Variants in SNX24 observed in about 807,000 individuals in gnomAD.
SNX24 encodes sorting nexin-24.
In SNX24, 22 loss-of-function variants were observed where a neutral mutation model predicts 28.7. The observed-to-expected ratio is 0.77, with a 90% confidence interval of 0.55 to 1.10. SNX24 has a LOEUF of 1.10. Among genes scored for constraint, SNX24 ranks in the 50% least tolerant of loss-of-function variants. The pLI is 0.00. For synonymous variants in SNX24, 69 were observed against 71.5 expected, an observed-to-expected ratio of 0.96 and a Z score of 0.18; for missense variants, 221 against 201.1, an observed-to-expected ratio of 1.10 and a Z score of -0.60.
chr5:122,986,386 G>A (rs1561698323), intron 3 of SNX24, among the ~76,000 whole-genome samples: 1 of 152,182 alleles, frequency 6.6e-6, no homozygotes, highest in Non-Finnish European at 1.5e-5. Flanking sequence ...TGCTGGCTAA[G>A]CCTTGAAAAG....
intron 1 of SNX24, among the ~76,000 whole-genome samples, chr5:122,913,898 A>G (rs900848849): frequency 3.2e-4 from 49 of 152,228 alleles, no homozygotes; most frequent in Middle Eastern, 6.3e-3. Flanking sequence ...ACTCGCGGTT[A>G]GGAGCTGGAG....
At chr5:122,849,377 G>T (rs147595751) in intron 1 of SNX24, among the ~76,000 whole-genome samples, 13 of 152,306 alleles carry the variant, frequency 8.5e-5, no homozygotes, top group African/African-American at 3.1e-4. Context: ...GGCCGGGAAA[G>T]GTTAGGGTGA....
At chr5:122,847,423 G>C (rs1754688791) in intron 1 of SNX24, among the ~76,000 whole-genome samples, 1 of 151,066 alleles carries the variant, frequency 6.6e-6, no homozygotes. Context: ...TGTGATGAGA[G>C]TTTGCTCTTT....
chr5:122,964,376 C>A (rs1387882374), intron 3 of SNX24, among the ~76,000 whole-genome samples: 1 of 151,680 alleles, frequency 6.6e-6, no homozygotes, highest in Admixed American at 6.6e-5. Context: ...GTGCTACTAG[C>A]ATGTAGTAAG....
intron 5 of SNX24, among the ~76,000 whole-genome samples, chr5:123,016,039 A>G (rs182082504): frequency 1.3e-5 from 2 of 152,220 alleles, no homozygotes; most frequent in Non-Finnish European, 2.9e-5. Context: ...ACTTTTCTTC[A>G]TCACAGCAGG....
chr5:122,956,988 T>C (rs148568779), intron 3 of SNX24, among the ~76,000 whole-genome samples: 1 of 152,306 alleles, frequency 6.6e-6, no homozygotes, highest in East Asian at 1.9e-4. Context: ...ATATATTGCC[T>C]TTTTTGATAG....
chr5:123,015,304 A>T (rs1246041965), intron 5 of SNX24, among the ~76,000 whole-genome samples: 1 of 152,278 alleles, frequency 6.6e-6, no homozygotes, highest in East Asian at 1.9e-4. Flanking sequence ...TGAGTAAATG[A>T]CCTTGAAATC....
At chr5:123,021,239 T>A (rs967086285) in intron 5 of SNX24, among the ~76,000 whole-genome samples, 1 of 152,178 alleles carries the variant, frequency 6.6e-6, no homozygotes, top group African/African-American at 2.4e-5. Flanking sequence ...TCATGTAGTA[T>A]AATTTGTCAC....
At chr5:122,981,574 C>T (rs540355478) in intron 3 of SNX24, among the ~76,000 whole-genome samples, 3 of 152,356 alleles carry the variant, frequency 2.0e-5, no homozygotes, top group African/African-American at 7.2e-5. Flanking sequence ...ATATTTGCCT[C>T]ATGCCCATAG....
chr5:122,898,661 G>T (rs1757306648), intron 1 of SNX24, among the ~76,000 whole-genome samples: 1 of 152,178 alleles, frequency 6.6e-6, no homozygotes, highest in Admixed American at 6.5e-5. Flanking sequence ...CTTAAAAAAA[G>T]AAAATGAAAT....
At chr5:122,927,985 T>C (rs1758774747) in intron 1 of SNX24, among the ~76,000 whole-genome samples, 1 of 152,220 alleles carries the variant, frequency 6.6e-6, no homozygotes, top group Admixed American at 6.5e-5. Flanking sequence ...AACCTCACCA[T>C]TGCATTTCAT....
chr5:122,917,431 T>A (rs1758227652), intron 1 of SNX24, among the ~76,000 whole-genome samples: 1 of 152,196 alleles, frequency 6.6e-6, no homozygotes, highest in African/African-American at 2.4e-5. Context: ...AGTGTGGACC[T>A]AGTATACAGG....
At chr5:122,953,424 A>G (rs763777271) in intron 3 of SNX24, among the ~76,000 whole-genome samples, 8 of 152,110 alleles carry the variant, frequency 5.3e-5, no homozygotes, top group African/African-American at 9.7e-5. Flanking sequence ...TAAATAGGAA[A>G]GGTGCTCCGA....
chr5:122,979,339 G>A (rs964624559), intron 3 of SNX24, among the ~76,000 whole-genome samples: 3 of 152,206 alleles, frequency 2.0e-5, no homozygotes, highest in Non-Finnish European at 2.9e-5. Context: ...TCTGCGGCCC[G>A]AAGCAGATGG....
intron 5 of SNX24, among the ~76,000 whole-genome samples, chr5:123,023,020 C>T (rs1762785152): frequency 1.3e-5 from 2 of 152,160 alleles, no homozygotes; most frequent in Non-Finnish European, 2.9e-5. Context: ...AGGCTGGTCT[C>T]AAACTCCTGG....
chr5:122,996,339 G>A (rs1358447168), intron 3 of SNX24, among the ~76,000 whole-genome samples: 3 of 152,210 alleles, frequency 2.0e-5, no homozygotes, highest in Non-Finnish European at 4.4e-5. Context: ...CCAGCAGTGA[G>A]TGCTATTGCC....
chr5:122,957,856 A>G (rs1440627712), intron 3 of SNX24, among the ~76,000 whole-genome samples: 2 of 152,114 alleles, frequency 1.3e-5, no homozygotes, highest in Admixed American at 6.6e-5. Context: ...AATGTAATTG[A>G]TTTTTATGTA....
chr5:122,927,826 C>A lies in SNX24; in HGVS notation c.61-8908C>A, dbSNP rs555189290. 8.5e-5 allele frequency among the ~76,000 whole-genome samples: 13 copies of A among 152,258 alleles called. No individual in the cohort carries two copies. In the South Asian group the frequency reaches 2.7e-3, roughly 32 times the overall value. ...AGACCAGAGTTGTCAACTCAGTCCT[C>A]TGAAGCATCTCCACGTCATGTCTAA... On this transcript the variant is annotated intron_variant, in intron 1 of 6. Transcript: ENST00000261369.
downstream of SNX24, among the ~76,000 whole-genome samples, chr5:123,011,335 C>T (rs181712463): frequency 6.6e-6 from 1 of 152,310 alleles, no homozygotes. Flanking sequence ...TCTCAGGCCT[C>T]ATCTCTGCCT....
Sources: gnomAD v4.1 joint callset for allele counts (sites outside exome capture counted in the v4.1 genomes callset) on GRCh38, gnomAD v4.1.1 for gene constraint, MANE v1.5 for transcripts, NCBI Gene and HGNC (gene_info 2026-07-23, HGNC 2026-07-21) for gene names.